Variants in IBSP observed in about 807,000 individuals in gnomAD.
The protein encoded by IBSP is integrin-binding sialoprotein.
In IBSP, 19 loss-of-function variants were observed where a neutral mutation model predicts 25.5. The ratio of observed to expected loss-of-function variants is 0.74; its 90% CI spans 0.52 to 1.09. IBSP has a LOEUF of 1.09. Ranked by LOEUF, IBSP falls within the 50% of genes least tolerant of loss-of-function variation. IBSP has a pLI of 0.00. For missense variants in IBSP, 360 were observed against 382.3 expected, an observed-to-expected ratio of 0.94 and a Z score of 0.49; for synonymous variants, 144 against 137.6, an observed-to-expected ratio of 1.05 and a Z score of -0.33.
intron 6 of IBSP, 91 bp downstream of exon 6, chr4:87,810,855 T>C: frequency 8.9e-7 from 1 of 1,129,892 alleles, no homozygotes; most frequent in Non-Finnish European, 1.3e-6. Flanking sequence ...AACTGGAGTC[T>C]AAGGGTATCC....
Position 87,802,562 on chromosome 4 carries a change from A to C in IBSP, c.105+4A>C, listed in dbSNP as rs752663521. The stretch of plus-strand genomic sequence containing the variant: ...AGAGGATTCTGAAGAAAATGGGGTA[A>C]TTAATTTTAGCATACTTCCTTGGCC... On this transcript the variant is annotated splice_donor_region_variant and intron_variant, in intron 3 of 6. Transcript: ENST00000226284. 2 of 1,603,716 alleles carry C rather than the reference A, an allele frequency of 1.2e-6. No individual in the cohort carries two copies. Among genetic ancestry groups the C allele is most frequent in the South Asian group, 2.3e-5 (2 of 88,576 alleles).
chr4:87,811,922 G>A lies in IBSP; in HGVS notation c.*12G>A. 1 of 1,509,276 alleles carries A rather than the reference G, an allele frequency of 6.6e-7. No homozygotes were observed. 93.5% of individuals were successfully genotyped at this position (1,509,276 alleles called of 1,614,324 possible). A position where few individuals can be genotyped will look rare whatever the true frequency, so the allele number is the denominator to read the frequency against. ...ACCACCACCAGTGAAGCTCCAGCCT[G>A]GGATGAATTCATCCATTCTGGCTTT... On this transcript the variant is annotated 3_prime_UTR_variant, in exon 7 of 7. Transcript: ENST00000226284.
intron 1 of IBSP, among the ~76,000 whole-genome samples, chr4:87,801,333 C>A (rs1390345970): frequency 6.6e-6 from 1 of 151,856 alleles, no homozygotes; most frequent in Admixed American, 6.6e-5. Context: ...AAATCTGCCC[C>A]CGATATCTCA....
rs1446819280 is a variant in IBSP, at chr4:87,806,114, AT to A, written c.184-3del. 1 of 1,605,432 alleles carries A rather than the reference AT, an allele frequency of 6.2e-7. No homozygotes were observed. The highest frequency in any genetic ancestry group is 2.2e-5 in the East Asian group (1 of 44,684). On this transcript the variant is annotated splice_region_variant and splice_polypyrimidine_tract_variant and intron_variant, in intron 4 of 6. Coordinates refer to ENST00000226284, the MANE Select transcript of IBSP (RefSeq NM_004967.4). ...TAAGAGTATACATACATGTGTATATATTTTTAGGGCAGTAGTGACTCATCCG... is the reference window on the plus strand; with the variant it reads ...TAAGAGTATACATACATGTGTATATATTTTAGGGCAGTAGTGACTCATCCG...
intron 5 of IBSP, among the ~76,000 whole-genome samples, chr4:87,807,026 CAAA>C (rs925463126): frequency 1.3e-5 from 2 of 151,088 alleles, no homozygotes; most frequent in African/African-American, 4.9e-5. Flanking sequence ...ACAAAAACAA[CAAA>C]AAAAAATCAT....
Position 87,811,688 on chromosome 4 carries a change from T to C in IBSP, c.732T>C (p.Tyr244=). The C allele has an allele frequency of 1.2e-6, 2 of 1,613,802 alleles. No individual in the cohort carries two copies. Among genetic ancestry groups the C allele is most frequent in the East Asian group, 4.5e-5 (2 of 44,832 alleles). The change falls in exon 7 of 7, where the codon TAT becomes TAC. Residue 244 remains tyrosine (Y), a synonymous_variant. Transcript: ENST00000226284. ...GFEPTTPPQV[Y]RTTSPPFGKT... ...AACCTACAACCCCACCACAAGTCTA[T>C]AGAACCACTTCCCCACCTTTTGGGA...
In IBSP at chr4:87,802,331, C is replaced by T. The variant is rs747642507; in HGVS notation, c.-14-17C>T. 2.0e-6 allele frequency: 3 copies of T among 1,521,302 alleles called. No homozygotes were observed. Among genetic ancestry groups the T allele is most frequent in the Non-Finnish European group, 2.7e-6 (3 of 1,109,096 alleles). The allele number at this position is 1,521,302 out of a possible 1,614,324, so 94.2% of individuals were successfully genotyped here. A position where few individuals can be genotyped will look rare whatever the true frequency, so the allele number is the denominator to read the frequency against. ...AGTTTTAATATTTTATTAACCTTACCACTTCATTAATTCCAGAAGCAATCA... is the reference window on the plus strand; with the variant it reads ...AGTTTTAATATTTTATTAACCTTACTACTTCATTAATTCCAGAAGCAATCA... On this transcript the variant is annotated splice_polypyrimidine_tract_variant and intron_variant, in intron 1 of 6. Transcript: ENST00000226284.
chr4:87,800,392 A>G (rs1389390399), intron 1 of IBSP, among the ~76,000 whole-genome samples: 1 of 152,146 alleles, frequency 6.6e-6, no homozygotes, highest in Admixed American at 6.6e-5. Flanking sequence ...AATTTGTGTA[A>G]TCAAAACTAT....
chr4:87,805,377 T>G (rs912410934), intron 4 of IBSP, among the ~76,000 whole-genome samples: 1 of 152,188 alleles, frequency 6.6e-6, no homozygotes, highest in African/African-American at 2.4e-5. Flanking sequence ...CATTCAACAC[T>G]GAACTTGTTA....
chr4:87,799,990 C>A (rs2110055130), intron 1 of IBSP, among the ~76,000 whole-genome samples: 1 of 152,250 alleles, frequency 6.6e-6, no homozygotes, highest in African/African-American at 2.4e-5. Context: ...ATGCATATTT[C>A]TCTACAAATT....
Position 87,811,835 on chromosome 4 carries a change from T to C in IBSP, c.879T>C (p.Tyr293=), listed in dbSNP as rs1387666770. The stretch of plus-strand genomic sequence containing the variant: ...CTCGTGGGGACAATTACCGAGCCTA[T>C]GAAGATGAGTACAGCTACTTTAAAG... ...GEPRGDNYRA[Y]EDEYSYFKGQ... Residue 293 remains tyrosine (Y), a synonymous_variant, in exon 7 of 7, where the codon TAT becomes TAC. Transcript: ENST00000226284. 2 of 1,604,660 alleles carry C rather than the reference T, an allele frequency of 1.2e-6. No individual in the cohort carries two copies. The highest frequency in any genetic ancestry group is 1.7e-6 in the Non-Finnish European group (2 of 1,175,588).
At position 87,802,692 on chromosome 4, in the gene IBSP, T is replaced by C; in HGVS notation, c.144T>C (p.His48=). ...KYRPRYYLYK[H]AYFYPHLKRF... Reference sequence around the variant, plus strand: ...GGCCACGATATTATCTTTACAAGCATGCCTACTTTTATCCTCATTTAAAAC... The same window carrying C: ...GGCCACGATATTATCTTTACAAGCACGCCTACTTTTATCCTCATTTAAAAC... Residue 48 remains histidine (H), a synonymous_variant, in exon 4 of 7, where the codon CAT becomes CAC. Transcript: ENST00000226284. 1 of 1,566,094 alleles carries C rather than the reference T, an allele frequency of 6.4e-7. No homozygotes were observed. The highest frequency in any genetic ancestry group is 8.6e-7 in the Non-Finnish European group (1 of 1,165,968).
In IBSP at chr4:87,801,506, ACACACACACG is replaced by A. The variant is rs780567651; in HGVS notation, c.-14-839_-14-830del. ...TACACACACACACACACACACACACACACACACACGCATATACACACACACACACACCAAT... is the reference window on the plus strand; with the variant it reads ...TACACACACACACACACACACACACACATATACACACACACACACACCAAT... On this transcript the variant is annotated intron_variant, in intron 1 of 6. Coordinates refer to ENST00000226284, the MANE Select transcript of IBSP (RefSeq NM_004967.4). 7.3e-3 allele frequency among the ~76,000 whole-genome samples: 657 copies of A among 90,510 alleles called. 5 individuals are homozygous for A. Among genetic ancestry groups the A allele is most frequent in the Non-Finnish European group, 7.4e-3 (239 of 32,424 alleles). The allele number at this position is 90,510 out of a possible 152,430, so 59.4% of individuals were successfully genotyped here. A position where few individuals can be genotyped will look rare whatever the true frequency, so the allele number is the denominator to read the frequency against.
At chr4:87,802,287 G>A in intron 1 of IBSP, 61 bp from the exon 2 acceptor site, 2 of 1,012,452 alleles carry the variant, frequency 2.0e-6, no homozygotes, top group African/African-American at 3.3e-5. Context: ...TTGAATATGA[G>A]TAAAAAAGTT....
rs570399902 is a variant in IBSP at position 87,800,553 on chromosome 4, C to A, written c.-15+920C>A. ...GTTCAAAGCATTATTTAGACCACCCCGATAGAAATCAGTGCTGCTTAAAAA... is the reference window on the plus strand; with the variant it reads ...GTTCAAAGCATTATTTAGACCACCCAGATAGAAATCAGTGCTGCTTAAAAA... On this transcript the variant is annotated intron_variant, in intron 1 of 6. Coordinates refer to ENST00000226284, the MANE Select transcript of IBSP (RefSeq NM_004967.4). 1.4e-4 allele frequency among the ~76,000 whole-genome samples: 21 copies of A among 152,230 alleles called. No homozygotes were observed. In the South Asian group the frequency reaches 3.9e-3, roughly 29 times the overall value.
chr4:87,806,430 T>C (rs1349675070), intron 5 of IBSP, among the ~76,000 whole-genome samples: 1 of 152,182 alleles, frequency 6.6e-6, no homozygotes, highest in African/African-American at 2.4e-5. Flanking sequence ...AATCTCTCCC[T>C]TTTAAGTAGA....
At chr4:87,802,225 T>C in intron 1 of IBSP, 123 bp from the exon 2 acceptor site, 1 of 601,654 alleles carries the variant, frequency 1.7e-6, no homozygotes, top group Non-Finnish European at 2.9e-6. Context: ...TTAGTTTTAA[T>C]TAGTCAAAGT....
chr4:87,802,812 A>G, intron 4 of IBSP, 81 bp downstream of exon 4: 1 of 860,996 alleles, frequency 1.2e-6, no homozygotes, highest in Non-Finnish European at 1.7e-6. Flanking sequence ...TAAAACACCT[A>G]AATTCAACTC....
intron 1 of IBSP, among the ~76,000 whole-genome samples, chr4:87,801,955 A>C (rs1722023316): frequency 2.0e-5 from 3 of 152,194 alleles, no homozygotes. Flanking sequence ...AATTGTAAAC[A>C]AACAAACAGG....
Sources: allele counts gnomAD v4.1 joint callset (sites outside exome capture counted in the v4.1 genomes callset), GRCh38; gene constraint gnomAD v4.1.1; transcripts MANE v1.5; gene names NCBI Gene and HGNC (gene_info 2026-07-23, HGNC 2026-07-21).